The following FASTKD1 variants were observed in gnomAD, a reference collection of about 807,000 sequenced individuals.
The protein encoded by FASTKD1 is FAST kinase domains 1.
Under a neutral mutation model 90.9 loss-of-function variants are expected in FASTKD1, and 94 were observed. The ratio of observed to expected loss-of-function variants is 1.03; its 90% CI spans 0.88 to 1.23. The LOEUF is 1.23. FASTKD1 is among the 50% of genes most tolerant of loss of function. The pLI is 0.00. For missense variants in FASTKD1, 945 were observed against 993.5 expected (o/e 0.95, Z 0.66); for synonymous variants, 319 against 345.8 (o/e 0.92, Z 0.86).
chr2:169,554,992 G>A, intron 7 of FASTKD1, 132 bp downstream of exon 7: 1 of 794,654 alleles, frequency 1.3e-6, no homozygotes, highest in South Asian at 1.9e-5. Context: ...GGGAGATAGT[G>A]TCTTAACATT....
chr2:169,549,168 G>A (rs1269411582), intron 7 of FASTKD1, among the ~76,000 whole-genome samples: 1 of 152,012 alleles, frequency 6.6e-6, no homozygotes, highest in Non-Finnish European at 1.5e-5. Context: ...GCCGAGGTGG[G>A]CGGATTACCT....
chr2:169,565,346 T>C (rs1204466448), intron 3 of FASTKD1, among the ~76,000 whole-genome samples: 3 of 133,820 alleles, frequency 2.2e-5, no homozygotes, highest in African/African-American at 2.8e-5. Context: ...CACTGTAAGC[T>C]CCGCCTCCCG....
At chr2:169,550,166 C>A (rs1685424456) in intron 7 of FASTKD1, among the ~76,000 whole-genome samples, 1 of 151,890 alleles carries the variant, frequency 6.6e-6, no homozygotes, top group African/African-American at 2.4e-5. Context: ...CACCACCATG[C>A]CTTATCATAT....
rs749054441 is a variant in FASTKD1, at chr2:169,530,702, C to T, written c.2328-1G>A. ...TGAATCCAAAAATTCCAAAGCAATC[C>T]TACATAAAATAAAAAAATATTTACT... On this transcript the variant is annotated splice_acceptor_variant, in intron 13 of 14. Transcript: ENST00000453153. LOFTEE classifies it high-confidence loss of function. 2 of 1,507,264 alleles carry T rather than the reference C, an allele frequency of 1.3e-6. No individual in the cohort carries two copies. Among genetic ancestry groups the T allele is most frequent in the East Asian group, 2.3e-5 (1 of 44,046 alleles). The allele number at this position is 1,507,264 out of a possible 1,614,324, so 93.4% of individuals were successfully genotyped here.
intron 7 of FASTKD1, among the ~76,000 whole-genome samples, chr2:169,551,455 A>C (rs1685485571): frequency 6.6e-6 from 1 of 152,246 alleles, no homozygotes; most frequent in South Asian, 2.1e-4. Flanking sequence ...ACAAAAGCAT[A>C]AACAAATCTC....
At chr2:169,541,390 C>A (rs1002272928) in intron 9 of FASTKD1, among the ~76,000 whole-genome samples, 2 of 152,192 alleles carry the variant, frequency 1.3e-5, no homozygotes, top group Non-Finnish European at 2.9e-5. Flanking sequence ...CAACACATGA[C>A]TGAACAACCA....
At chr2:169,563,714 G>A (rs1351005930) in intron 3 of FASTKD1, among the ~76,000 whole-genome samples, 1 of 152,022 alleles carries the variant, frequency 6.6e-6, no homozygotes, top group South Asian at 2.1e-4. Context: ...CAAGACAAAA[G>A]AGAGGAAAAA....
intron 13 of FASTKD1, chr2:169,531,009 A>T (rs1201167966): frequency 7.5e-6 from 5 of 664,020 alleles, no homozygotes; most frequent in Non-Finnish European, 1.4e-5. Context: ...ATAGTCTAAC[A>T]GAGAACACAT....
Position 169,529,078 on chromosome 2 carries a change from C to A in FASTKD1, c.*747G>T, listed in dbSNP as rs1246029936. Among the ~76,000 whole-genome samples, 2 of 152,112 alleles carry A rather than the reference C, an allele frequency of 1.3e-5. No homozygotes were observed. Among genetic ancestry groups the A allele is most frequent in the South Asian group, 4.1e-4 (2 of 4,826 alleles). On this transcript the variant is annotated 3_prime_UTR_variant, in exon 15 of 15. Coordinates refer to ENST00000453153, the MANE Select transcript of FASTKD1 (RefSeq NM_024622.6). The stretch of plus-strand genomic sequence containing the variant: ...ACATTTATATCTGGGGCCTGGACCT[C>A]TTCCCTGACCTCCAAGCTCATTTAC...
At chr2:169,562,047 T>A (rs200832221) in intron 4 of FASTKD1, among the ~76,000 whole-genome samples, 1,896 of 132,780 alleles carry the variant, frequency 0.014, 181 homozygotes, top group East Asian at 0.035. Flanking sequence ...TTATTGTAAA[T>A]TAATTATTTA....
At chr2:169,533,129 T>G (rs891210334) in intron 12 of FASTKD1, among the ~76,000 whole-genome samples, 14 of 152,286 alleles carry the variant, frequency 9.2e-5, no homozygotes, top group African/African-American at 3.4e-4. Flanking sequence ...AATGTTAAAT[T>G]TTATCTAAAA....
At chr2:169,565,844 A>T (rs1683951767) in intron 3 of FASTKD1, among the ~76,000 whole-genome samples, 1 of 152,202 alleles carries the variant, frequency 6.6e-6, no homozygotes, top group African/African-American at 2.4e-5. Flanking sequence ...CATCCTTGCC[A>T]GCATTTGTTA....
intron 10 of FASTKD1, 31 bp downstream of exon 10, chr2:169,540,020 T>A: frequency 7.3e-7 from 1 of 1,373,060 alleles, no homozygotes; most frequent in Non-Finnish European, 1.0e-6. Flanking sequence ...GTACAACAGA[T>A]AATTAAATAA....
intron 6 of FASTKD1, among the ~76,000 whole-genome samples, chr2:169,555,609 AT>A (rs1271507962): frequency 6.6e-6 from 1 of 152,248 alleles, no homozygotes; most frequent in Non-Finnish European, 1.5e-5. Context: ...AGCAAAACTA[AT>A]TTAATTTTCT....
At chr2:169,542,474 T>C (rs1286551325) in intron 9 of FASTKD1, among the ~76,000 whole-genome samples, 3 of 152,226 alleles carry the variant, frequency 2.0e-5, no homozygotes, top group Non-Finnish European at 4.4e-5. Context: ...GAAAAAGTAA[T>C]TTCCTGTCTC....
In FASTKD1 at chr2:169,558,465, T is replaced by C. The variant is rs183776024; in HGVS notation, c.972-1168A>G. ...TTTTTTGTATTTTTTTGTTTGTTTT[T>C]TGAGACAGAGTTTCGCTCCTGTTGC... On this transcript the variant is annotated intron_variant, in intron 5 of 14. Transcript: ENST00000453153. 1.2e-3 allele frequency among the ~76,000 whole-genome samples: 187 copies of C among 152,164 alleles called. 1 individual carries two copies. The highest frequency in any genetic ancestry group is 8.3e-3 in the Admixed American group (127 of 15,276).
rs923544351 is a variant in FASTKD1, at chr2:169,560,862, T to C, written c.573-77A>G. 8 of 1,132,814 alleles carry C rather than the reference T, an allele frequency of 7.1e-6. No individual in the cohort carries two copies. In the African/African-American group the frequency reaches 9.8e-5, roughly 14 times the overall value. The allele number at this position is 1,132,814 out of a possible 1,614,324, so 70.2% of individuals were successfully genotyped here. A position where few individuals can be genotyped will look rare whatever the true frequency, so the allele number is the denominator to read the frequency against. On this transcript the variant is annotated intron_variant, in intron 4 of 14. Coordinates refer to ENST00000453153, the MANE Select transcript of FASTKD1 (RefSeq NM_024622.6). ...TTCTTTTTTTTTTTTTTTTTTTTTT[T>C]TGTAGAAACAGAGTCTTGCTATGTT...
Position 169,544,847 on chromosome 2 carries a change from GAACA to G in FASTKD1, c.1702-16_1702-13del, listed in dbSNP as rs1685117525. 6.8e-7 allele frequency: 1 copy of G among 1,466,182 alleles called. No homozygotes were observed. Among genetic ancestry groups the G allele is most frequent in the Non-Finnish European group, 9.4e-7 (1 of 1,068,686 alleles). 90.8% of individuals were successfully genotyped at this position (1,466,182 alleles called of 1,614,324 possible). A position where few individuals can be genotyped will look rare whatever the true frequency, so the allele number is the denominator to read the frequency against. On this transcript the variant is annotated splice_polypyrimidine_tract_variant and intron_variant, in intron 8 of 14. Transcript: ENST00000453153. ...GTAAAAGGATGGATCTGTATAAAAA[GAACA>G]AAAAATTTATAGTTTAAACTTTAGG...
chr2:169,556,877 G>C (rs538617082), intron 6 of FASTKD1, among the ~76,000 whole-genome samples: 1 of 150,638 alleles, frequency 6.6e-6, no homozygotes, highest in African/African-American at 2.4e-5. Context: ...CATGGTGGTG[G>C]GCGCCTGTAG....
Sources: allele counts gnomAD v4.1 joint callset (sites outside exome capture counted in the v4.1 genomes callset), GRCh38; gene constraint gnomAD v4.1.1; transcripts MANE v1.5; gene names NCBI Gene and HGNC (gene_info 2026-07-23, HGNC 2026-07-21).